PRORP: variants seen among roughly 807,000 people sequenced by gnomAD.
PRORP encodes protein only RNase P catalytic subunit, also known as mitochondrial ribonuclease P catalytic subunit.
A neutral mutation model predicts 59.4 loss-of-function variants in PRORP; 51 were observed. The observed-to-expected ratio is 0.86, with a 90% CI of 0.69 to 1.08. The LOEUF (loss-of-function observed/expected upper bound fraction) is 1.08. Among genes scored for constraint, PRORP ranks in the 50% least tolerant of loss-of-function variants. The pLI, the probability that PRORP is intolerant of heterozygous loss-of-function variation, is 0.00. For missense variants in PRORP, 646 were observed against 690.3 expected, an observed-to-expected ratio of 0.94 and a Z score of 0.72; for synonymous variants, 231 against 245.6, an observed-to-expected ratio of 0.94 and a Z score of 0.55.
intron 4 of PRORP, among the ~76,000 whole-genome samples, chr14:35,156,688 C>T (rs988398296): frequency 6.6e-6 from 1 of 152,104 alleles, no homozygotes; most frequent in African/African-American, 2.4e-5. Context: ...AGTATAAATG[C>T]TTATCTTGAT....
intron 5 of PRORP, among the ~76,000 whole-genome samples, chr14:35,210,460 A>G (rs2139166735): frequency 1.3e-5 from 2 of 151,946 alleles, no homozygotes; most frequent in South Asian, 4.2e-4. Context: ...TTTGTTTTTA[A>G]CTTTTAGTTT....
chr14:35,269,131 G>A lies in PRORP; in HGVS notation c.1425-1270G>A, dbSNP rs970508290. ...GCCCTGCCACTCCCTGTCTGGGAAA[G>A]GTTTTTCCTTTCTCTCTGTCTTCCT... On this transcript the variant is annotated intron_variant, in intron 6 of 7. Coordinates refer to ENST00000534898, the MANE Select transcript of PRORP (RefSeq NM_014672.4). 3.9e-5 allele frequency among the ~76,000 whole-genome samples: 6 copies of A among 152,080 alleles called. No homozygotes were observed. In the South Asian group the frequency reaches 8.3e-4, roughly 21 times the overall value.
chr14:35,123,953 CA>C lies in PRORP; in HGVS notation c.714del (p.Val239LeufsTer2), dbSNP rs780434139. 2 of 1,614,038 alleles carry C rather than the reference CA, an allele frequency of 1.2e-6. No homozygotes were observed. Among genetic ancestry groups the C allele is most frequent in the Non-Finnish European group, 1.7e-6 (2 of 1,179,990 alleles). ...REALLLLEDI[K>X]KVITPSKKNY... is the part of the protein sequence containing the mutation. ...AAGCATTGTTGCTGTTAGAGGACAT[CA>C]AAAAAGTTATAACTCCTTCAAAAAA... On this transcript the variant is annotated frameshift_variant, in exon 2 of 8. Coordinates refer to ENST00000534898, the MANE Select transcript of PRORP (RefSeq NM_014672.4). LOFTEE classifies it high-confidence loss of function.
chr14:35,215,772 T>C (rs74518589), intron 5 of PRORP, among the ~76,000 whole-genome samples: 25 of 151,724 alleles, frequency 1.6e-4, no homozygotes, highest in African/African-American at 6.1e-4. Flanking sequence ...TCTCTCTTTT[T>C]TTTTTTCTTG....
Position 35,127,484 on chromosome 14 carries a change from A to G in PRORP, c.1040A>G (p.Gln347Arg). The change falls in exon 4 of 8, where the codon CAG (glutamine) becomes CGG (arginine). Residue 347 changes from glutamine to arginine, a missense_variant. Physicochemically the swap from Gln to Arg is conservative, Grantham distance 43 (BLOSUM62 1). Transcript: ENST00000534898. Reference sequence around the variant, plus strand: ...TTTAACAATTATAATTACAGTGGCCAGTGTTCGGGCTGTGGAAAAACCATA... The same window carrying G: ...TTTAACAATTATAATTACAGTGGCCGGTGTTCGGGCTGTGGAAAAACCATA... ...GQFTTVRKSG[Q>R]CSGCGKTIES... 1 of 1,585,082 alleles carries G rather than the reference A, an allele frequency of 6.3e-7. No homozygotes were observed. Among genetic ancestry groups the G allele is most frequent in the Admixed American group, 1.8e-5 (1 of 55,052 alleles).
chr14:35,133,717 C>T (rs576505996), intron 4 of PRORP, among the ~76,000 whole-genome samples: 70 of 152,302 alleles, frequency 4.6e-4, no homozygotes, highest in Middle Eastern at 3.4e-3. Context: ...AGCCAAAGCC[C>T]AGTAATGCTG....
chr14:35,173,190 CT>C (rs2048363960), intron 4 of PRORP, among the ~76,000 whole-genome samples: 3 of 152,032 alleles, frequency 2.0e-5, no homozygotes, highest in Admixed American at 2.0e-4. Flanking sequence ...TTTTGAATCC[CT>C]TTTTTCTTGA....
At chr14:35,218,459 T>TAAAAAAAA (rs748403834) in intron 5 of PRORP, among the ~76,000 whole-genome samples, 4 of 44,776 alleles carry the variant, frequency 8.9e-5, no homozygotes, top group Admixed American at 4.3e-4. Flanking sequence ...AGATCCTGTC[T>TAAAAAAAA]AAAAAAAGAA....
Position 35,180,782 on chromosome 14 carries a change from G to A in PRORP, c.1275+5G>A. On this transcript the variant is annotated splice_donor_5th_base_variant and intron_variant, in intron 5 of 7. Transcript: ENST00000534898. ...AAAGTTCGTGAATCTCAACTTGTAAGTATAAGTTTTACTTTGTTATTCCAC... is the reference window on the plus strand; with the variant it reads ...AAAGTTCGTGAATCTCAACTTGTAAATATAAGTTTTACTTTGTTATTCCAC... 6.4e-7 allele frequency: 1 copy of A among 1,552,292 alleles called. No homozygotes were observed. The highest frequency in any genetic ancestry group is 1.1e-5 in the South Asian group (1 of 89,280).
At chr14:35,172,453 C>CTTCCTTCTTTCTTTCT in intron 4 of PRORP, among the ~76,000 whole-genome samples, 1 of 46,708 alleles carries the variant, frequency 2.1e-5, no homozygotes, top group African/African-American at 6.0e-5. Context: ...TCCTTCCTTC[C>CTTCCTTCTTTCTTTCT]TTCTTTCTTT....
At chr14:35,156,019 G>A (rs915690213) in intron 4 of PRORP, among the ~76,000 whole-genome samples, 2 of 152,268 alleles carry the variant, frequency 1.3e-5, no homozygotes, top group East Asian at 1.9e-4. Context: ...TGGGTTAGGG[G>A]AGGAGTTTGA....
chr14:35,208,591 C>T (rs533836285), intron 5 of PRORP, among the ~76,000 whole-genome samples: 5 of 152,232 alleles, frequency 3.3e-5, no homozygotes, highest in Admixed American at 6.5e-5. Context: ...TATTAATGGC[C>T]GGGCATGGTG....
intron 5 of PRORP, among the ~76,000 whole-genome samples, chr14:35,258,953 A>G (rs2050828548): frequency 6.6e-6 from 1 of 152,182 alleles, no homozygotes; most frequent in Non-Finnish European, 1.5e-5. Flanking sequence ...TTTACTGTCT[A>G]TAGCCTTCCA....
At position 35,194,332 on chromosome 14, in the gene PRORP, A is replaced by G. The variant is rs1356381209; in HGVS notation, c.1275+13555A>G. On this transcript the variant is annotated intron_variant, in intron 5 of 7. Coordinates refer to ENST00000534898, the MANE Select transcript of PRORP (RefSeq NM_014672.4). ...GATAAAGAAAATGTGGCATATATAC[A>G]CCATGGAATACTATACAGTCATAAA... Among the ~76,000 whole-genome samples the G allele has an allele frequency of 2.0e-5, 3 of 152,292 alleles. No individual in the cohort carries two copies. In the East Asian group the frequency reaches 5.8e-4, roughly 29 times the overall value.
Position 35,273,598 on chromosome 14 carries a change from G to C in PRORP, c.*32G>C. On this transcript the variant is annotated 3_prime_UTR_variant, in exon 8 of 8. Coordinates refer to ENST00000534898, the MANE Select transcript of PRORP (RefSeq NM_014672.4). ...TTACCTCTATGCTAAGTTTGTGTTT[G>C]GGTACCCTCTAGGTTGGCATCAGAG... The C allele has an allele frequency of 6.2e-7, 1 of 1,602,396 alleles. No homozygotes were observed. The highest frequency in any genetic ancestry group is 8.5e-7 in the Non-Finnish European group (1 of 1,174,578).
At chr14:35,265,268 C>T (rs2051012653) in intron 5 of PRORP, among the ~76,000 whole-genome samples, 1 of 152,126 alleles carries the variant, frequency 6.6e-6, no homozygotes, top group Non-Finnish European at 1.5e-5. Flanking sequence ...GACCTTTCAA[C>T]TTGTGATTTT....
intron 5 of PRORP, among the ~76,000 whole-genome samples, chr14:35,242,574 A>G (rs984332264): frequency 6.6e-6 from 1 of 152,178 alleles, no homozygotes; most frequent in Non-Finnish European, 1.5e-5. Flanking sequence ...ATCTTTTAAG[A>G]CTATTTTCAG....
chr14:35,127,837 G>A lies in PRORP; in HGVS notation c.1167+226G>A, dbSNP rs530095294. 3.3e-5 allele frequency among the ~76,000 whole-genome samples: 5 copies of A among 151,648 alleles called. No homozygotes were observed. In the South Asian group the frequency reaches 1.0e-3, roughly 32 times the overall value. The stretch of plus-strand genomic sequence containing the variant: ...TATTCATGAAAACAAGCAGTAGGCT[G>A]GATTTGGCCTGCTGACTACAATTGC... On this transcript the variant is annotated intron_variant, in intron 4 of 7. Coordinates refer to ENST00000534898, the MANE Select transcript of PRORP (RefSeq NM_014672.4).
chr14:35,124,517 A>G (rs1332543492), intron 2 of PRORP: 1 of 200,482 alleles, frequency 5.0e-6, no homozygotes, highest in African/African-American at 2.3e-5. Flanking sequence ...TTCTGATTAT[A>G]CTTTTTTCCA....
Sources: gnomAD v4.1 joint callset for allele counts (sites outside exome capture counted in the v4.1 genomes callset) on GRCh38, gnomAD v4.1.1 for gene constraint, MANE v1.5 for transcripts, NCBI Gene and HGNC (gene_info 2026-07-23, HGNC 2026-07-21) for gene names.